Variants in ZNF518A observed in about 807,000 individuals in gnomAD.
ZNF518A encodes the protein zinc finger protein 518.
Under a neutral mutation model 102.7 loss-of-function variants are expected in ZNF518A, and 47 were observed. That is an observed-to-expected ratio of 0.46 (90% confidence interval 0.36 to 0.58). The LOEUF (loss-of-function observed/expected upper bound fraction) is 0.58. Among genes scored for constraint, ZNF518A ranks in the 20% least tolerant of loss-of-function variants. ZNF518A has a pLI of 0.00. For missense variants in ZNF518A, 1,793 were observed against 1,699.8 expected (o/e 1.05, Z -0.96); for synonymous variants, 652 against 594.6 (o/e 1.10, Z -1.40).
chr10:96,135,576 T>G (rs1424455687), intron 3 of ZNF518A, among the ~76,000 whole-genome samples: 5 of 152,226 alleles, frequency 3.3e-5, no homozygotes, highest in African/African-American at 1.2e-4. Flanking sequence ...TTTTTTTGAG[T>G]GTCCACTATG....
chr10:96,186,326 C>A (rs2083271619), intron 1 of ZNF518A, among the ~76,000 whole-genome samples: 1 of 152,204 alleles, frequency 6.6e-6, no homozygotes, highest in Admixed American at 6.5e-5. Context: ...CAGACCGGAG[C>A]TGTTACTATT....
chr10:96,167,661 A>G (rs2083150159), downstream of ZNF518A, among the ~76,000 whole-genome samples: 1 of 152,224 alleles, frequency 6.6e-6, no homozygotes, highest in Admixed American at 6.5e-5. Context: ...AGAAGAAAGA[A>G]TCAGCAAACC....
intron 3 of ZNF518A, among the ~76,000 whole-genome samples, chr10:96,140,160 A>C (rs1206411524): frequency 6.6e-6 from 1 of 152,146 alleles, no homozygotes; most frequent in African/African-American, 2.4e-5. Flanking sequence ...GCCCGGCCCA[A>C]GATCTGGTTT....
chr10:96,165,261 C>T (rs919115427), downstream of ZNF518A, among the ~76,000 whole-genome samples: 2 of 152,110 alleles, frequency 1.3e-5, no homozygotes, highest in Non-Finnish European at 1.5e-5. Context: ...GTGCCCACCA[C>T]GATACCCAGC....
At chr10:96,152,879 A>T (rs2082518008) in intron 3 of ZNF518A, among the ~76,000 whole-genome samples, 1 of 152,240 alleles carries the variant, frequency 6.6e-6, no homozygotes, top group South Asian at 2.1e-4. Flanking sequence ...ATAATTATGC[A>T]GCATGTGACT....
chr10:96,186,520 C>A (rs1554892583), intron 1 of ZNF518A, among the ~76,000 whole-genome samples: 1 of 152,120 alleles, frequency 6.6e-6, no homozygotes, highest in Admixed American at 6.5e-5. Flanking sequence ...GCCTCAGCCT[C>A]CTGAGTAGCT....
rs112231787 is a variant in ZNF518A, at chr10:96,137,343, A to T, written c.-302+3695A>T. ...CTCCCACCTTTAAAAAACAAAAAAT[A>T]AATTGAAACAAAACAAAACAACTCC... On this transcript the variant is annotated intron_variant, in intron 3 of 5. Transcript: ENST00000316045. Among the ~76,000 whole-genome samples the T allele has an allele frequency of 4.4e-3, 677 of 152,356 alleles. 5 individuals carry two copies. Among genetic ancestry groups the T allele is most frequent in the African/African-American group, 0.015 (625 of 41,582 alleles).
In ZNF518A at chr10:96,160,554, A is replaced by G. The variant is rs1554887404; in HGVS notation, c.4232A>G (p.Lys1411Arg). 1.9e-6 allele frequency: 3 copies of G among 1,612,284 alleles called. No homozygotes were observed. The highest frequency in any genetic ancestry group is 2.5e-6 in the Non-Finnish European group (3 of 1,179,304). The change falls in exon 6 of 6, where the codon AAA (lysine) becomes AGA (arginine). Residue 1411 changes from lysine to arginine, a missense_variant. By Grantham distance (26) the Lys-to-Arg change is conservative (BLOSUM62 2). This residue lies in a region of ZNF518A where 1,741 missense variants were observed against 1,622.6 expected (regional missense o/e 1.07). Transcript: ENST00000316045. ...DDFSKRHKTF[K>R]PVSSVKERFV... The stretch of plus-strand genomic sequence containing the variant: ...TTTTCCAAGAGGCACAAAACATTTA[A>G]ACCTGTTAGTTCTGTGAAAGAAAGA...
downstream of ZNF518A, among the ~76,000 whole-genome samples, chr10:96,167,902 G>C (rs1432884720): frequency 6.6e-6 from 1 of 152,140 alleles, no homozygotes; most frequent in Non-Finnish European, 1.5e-5. Flanking sequence ...AAAAGACAGC[G>C]TTTTTATTAC....
In ZNF518A at chr10:96,159,463, A is replaced by G. The variant is rs1554886092; in HGVS notation, c.3141A>G (p.Leu1047=). Reference sequence around the variant, plus strand: ...GTAGCTCAGAAAATACTTTGCCATTAAAAGGCCCTTACATTTTGAAACCAA... The same window carrying G: ...GTAGCTCAGAAAATACTTTGCCATTGAAAGGCCCTTACATTTTGAAACCAA... ...MKSSSENTLP[L]KGPYILKPTS... Residue 1047 remains leucine (L), a synonymous_variant, in exon 6 of 6, where the codon TTA becomes TTG. Coordinates refer to ENST00000316045, the MANE Select transcript of ZNF518A (RefSeq NM_001330736.2). 1 of 1,613,790 alleles carries G rather than the reference A, an allele frequency of 6.2e-7. No homozygotes were observed. The highest frequency in any genetic ancestry group is 8.5e-7 in the Non-Finnish European group (1 of 1,179,784).
At chr10:96,194,040 G>A (rs899761288) in intron 1 of ZNF518A, among the ~76,000 whole-genome samples, 1 of 152,214 alleles carries the variant, frequency 6.6e-6, no homozygotes, top group Non-Finnish European at 1.5e-5. Context: ...TGTTGGAAGT[G>A]AGGTGAAGCT....
downstream of ZNF518A, among the ~76,000 whole-genome samples, chr10:96,166,927 A>G (rs1264097480): frequency 6.6e-6 from 1 of 152,214 alleles, no homozygotes; most frequent in Non-Finnish European, 1.5e-5. Flanking sequence ...GCAAACTTGT[A>G]AACTCCTTAA....
At position 96,200,021 on chromosome 10, in the gene ZNF518A, CAAAT is replaced by C. The variant is rs1230213913; in HGVS notation, n.36-3545_36-3542del. On this transcript the variant is annotated intron_variant and non_coding_transcript_variant, in intron 1 of 2. Transcript: ENST00000442635. The surrounding 1 kb of genome is among the most constrained non-coding windows in gnomAD (Gnocchi z 4.3). ...CCAGTGAAACTGCATCATCTCAAAA[CAAAT>C]AAATAAAATAAAATAAAATAAAAAT... 152 of 1,253,966 alleles carry C rather than the reference CAAAT, an allele frequency of 1.2e-4. No individual in the cohort carries two copies. Among genetic ancestry groups the C allele is most frequent in the Middle Eastern group, 6.0e-4 (2 of 3,360 alleles). The allele number at this position is 1,253,966 out of a possible 1,614,324, so 77.7% of individuals were successfully genotyped here. A position where few individuals can be genotyped will look rare whatever the true frequency, so the allele number is the denominator to read the frequency against.
chr10:96,149,373 A>C (rs782021030), intron 3 of ZNF518A, among the ~76,000 whole-genome samples: 1 of 152,196 alleles, frequency 6.6e-6, no homozygotes, highest in Non-Finnish European at 1.5e-5. Context: ...GTTTTGGCAT[A>C]GTGCCTACTC....
intron 1 of ZNF518A, among the ~76,000 whole-genome samples, chr10:96,174,513 G>A (rs2083191876): frequency 6.6e-6 from 1 of 152,096 alleles, no homozygotes. Context: ...ATGAATGTAA[G>A]GGAATACTAT....
chr10:96,170,586 C>T (rs781991587), intron 1 of ZNF518A, among the ~76,000 whole-genome samples: 1 of 152,142 alleles, frequency 6.6e-6, no homozygotes, highest in Non-Finnish European at 1.5e-5. Flanking sequence ...TAAGCACTTC[C>T]TGGGATGCTA....
intron 1 of ZNF518A, among the ~76,000 whole-genome samples, chr10:96,170,401 C>G (rs10882732): frequency 0.31 from 46,588 of 152,058 alleles, 8,253 homozygotes; most frequent in East Asian, 0.67. Flanking sequence ...AGCCACCAGA[C>G]AGGTCAGTAT....
At chr10:96,183,733 A>G (rs1269019456) in intron 1 of ZNF518A, among the ~76,000 whole-genome samples, 1 of 152,206 alleles carries the variant, frequency 6.6e-6, no homozygotes, top group African/African-American at 2.4e-5. Context: ...TTTACTTCCA[A>G]CTATGTGGTC....
rs1554886902 is a variant in ZNF518A at position 96,160,125 on chromosome 10, C to T, written c.3803C>T (p.Thr1268Ile). The T allele has an allele frequency of 1.2e-6, 2 of 1,610,800 alleles. No homozygotes were observed. Among genetic ancestry groups the T allele is most frequent in the Admixed American group, 1.7e-5 (1 of 59,332 alleles). ...TKTHGSKDSE[T>I]AFVSRNRNCK... is the part of the protein sequence containing the mutation. ...ACTCATGGAAGTAAAGACTCTGAAACTGCCTTTGTATCTAGAAACAGAAAC... is the reference window on the plus strand; with the variant it reads ...ACTCATGGAAGTAAAGACTCTGAAATTGCCTTTGTATCTAGAAACAGAAAC... Residue 1268 changes from threonine to isoleucine, a missense_variant, in exon 6 of 6, where the codon ACT becomes ATT. Thr to Ile is a moderately conservative substitution (Grantham distance 89). Around this residue, in one of 3 missense-constraint regions of ZNF518A, gnomAD observed 1,741 missense variants for 1,622.6 expected, o/e 1.07. Coordinates refer to ENST00000316045, the MANE Select transcript of ZNF518A (RefSeq NM_001330736.2).
Sources: allele counts gnomAD v4.1 joint callset (sites outside exome capture counted in the v4.1 genomes callset), GRCh38; gene constraint gnomAD v4.1.1; regional missense constraint gnomAD v4.1.1; non-coding constraint Gnocchi (gnomAD v3.1); transcripts MANE v1.5; gene names NCBI Gene and HGNC (gene_info 2026-07-23, HGNC 2026-07-21).